KIAA1217: variants seen among roughly 807,000 people sequenced by gnomAD.
KIAA1217 encodes KIAA1217.
Under a neutral mutation model 163.9 loss-of-function variants are expected in KIAA1217, and 88 were observed. That is an observed-to-expected ratio of 0.54 (90% CI 0.45 to 0.64). KIAA1217 has a LOEUF of 0.64. KIAA1217 is among the 30% of genes least tolerant of loss of function. The pLI is 0.00. For missense variants in KIAA1217, 2,372 were observed against 2,475.0 expected (o/e 0.96, Z 0.88); for synonymous variants, 903 against 923.1 (o/e 0.98, Z 0.39).
At position 24,494,534 on chromosome 10, in the gene KIAA1217, A is replaced by G. The variant is rs376125025; in HGVS notation, c.1714A>G (p.Ser572Gly). ...GCAAGCCATGGAGAAACAGATTGCC[A>G]GTTTAACTGGCCTTGTTCAGTCTGC... ...RMQAMEKQIA[S>G]LTGLVQSALF... The change falls in exon 7 of 21, where the codon AGT becomes GGT. Residue 572 changes from serine (S) to glycine (G), a missense_variant. Around this residue, in one of 3 missense-constraint regions of KIAA1217, gnomAD observed 1,431 missense variants for 1,470.3 expected, o/e 0.97. Coordinates refer to ENST00000376454, the MANE Select transcript of KIAA1217 (RefSeq NM_019590.5). 5.8e-5 allele frequency: 93 copies of G among 1,613,988 alleles called. No homozygotes were observed. Among genetic ancestry groups the G allele is most frequent in the Non-Finnish European group, 7.4e-5 (87 of 1,179,958 alleles).
In KIAA1217 at chr10:24,121,878, A is replaced by G. The variant is rs561225125; in HGVS notation, c.-170-97748A>G. ...CACCTTTATTACATACTCAATGATTATTTACTGAATATCTCTTGGGGCATC... is the reference window on the plus strand; with the variant it reads ...CACCTTTATTACATACTCAATGATTGTTTACTGAATATCTCTTGGGGCATC... On this transcript the variant is annotated intron_variant, in intron 2 of 18. Transcript: ENST00000376462. Among the ~76,000 whole-genome samples the G allele has an allele frequency of 1.6e-3, 241 of 152,110 alleles. 1 individual carries two copies. The highest frequency in any genetic ancestry group is 5.7e-3 in the African/African-American group (237 of 41,514).
chr10:24,179,259 C>A (rs532116355), intron 2 of KIAA1217, among the ~76,000 whole-genome samples: 1 of 152,290 alleles, frequency 6.6e-6, no homozygotes, highest in South Asian at 2.1e-4. Flanking sequence ...CAAATCTTGT[C>A]TTCAATTTTA....
intron 5 of KIAA1217, among the ~76,000 whole-genome samples, chr10:24,447,434 T>C (rs2061033210): frequency 6.6e-6 from 1 of 152,088 alleles, no homozygotes; most frequent in South Asian, 2.1e-4. Context: ...CCCCACCCTG[T>C]GTCCAAGTGT....
chr10:24,443,101 G>A (rs2060634866), intron 5 of KIAA1217, among the ~76,000 whole-genome samples: 1 of 152,004 alleles, frequency 6.6e-6, no homozygotes. Flanking sequence ...AGAAGAAATG[G>A]GATTTTGCCA....
chr10:23,928,751 A>G (rs1169958693), intron 1 of KIAA1217, among the ~76,000 whole-genome samples: 6 of 152,242 alleles, frequency 3.9e-5, no homozygotes, highest in African/African-American at 1.4e-4. Flanking sequence ...AGACACTTAT[A>G]GCTCAAGGGT....
At chr10:24,198,361 C>G in intron 2 of KIAA1217, among the ~76,000 whole-genome samples, 1 of 152,186 alleles carries the variant, frequency 6.6e-6, no homozygotes, top group Non-Finnish European at 1.5e-5. Flanking sequence ...GTAATCCCAG[C>G]ATTCTGGGAG....
At chr10:23,775,825 T>C (rs1190344623) in intron 1 of KIAA1217, among the ~76,000 whole-genome samples, 1 of 152,244 alleles carries the variant, frequency 6.6e-6, no homozygotes, top group Non-Finnish European at 1.5e-5. Flanking sequence ...TGATTTGTAC[T>C]GCAAGACATT....
Position 24,530,422 on chromosome 10 carries a change from C to T in KIAA1217, c.3083-1408C>T, listed in dbSNP as rs569856351. Reference sequence around the variant, plus strand: ...ACCAGAGATGTGTAAAGGTAGCATCCGTGACCTGTAAACATTAGTTTCTGT... The same window carrying T: ...ACCAGAGATGTGTAAAGGTAGCATCTGTGACCTGTAAACATTAGTTTCTGT... On this transcript the variant is annotated intron_variant, in intron 14 of 20. Transcript: ENST00000376454. Among the ~76,000 whole-genome samples the T allele has an allele frequency of 1.9e-4, 29 of 152,200 alleles. No homozygotes were observed. In the East Asian group the frequency reaches 5.2e-3, roughly 27 times the overall value.
intron 5 of KIAA1217, among the ~76,000 whole-genome samples, chr10:24,455,133 G>A (rs192660456): frequency 2.6e-5 from 4 of 152,026 alleles, no homozygotes; most frequent in Admixed American, 2.0e-4. Context: ...TTTATTATTC[G>A]TAACAATGAT....
intron 1 of KIAA1217, among the ~76,000 whole-genome samples, chr10:23,907,464 C>T (rs561589144): frequency 6.6e-6 from 1 of 152,104 alleles, no homozygotes; most frequent in East Asian, 1.9e-4. Context: ...GCTGGAGAAC[C>T]AGGAAAGCCA....
At chr10:24,514,423 C>T (rs1281992802) in intron 10 of KIAA1217, among the ~76,000 whole-genome samples, 1 of 152,140 alleles carries the variant, frequency 6.6e-6, no homozygotes, top group African/African-American at 2.4e-5. Context: ...GGATGCCAAC[C>T]TAATGTGTTT....
intron 1 of KIAA1217, among the ~76,000 whole-genome samples, chr10:23,815,661 AC>A (rs1460008546): frequency 1.3e-5 from 2 of 152,138 alleles, no homozygotes; most frequent in Non-Finnish European, 2.9e-5. Context: ...AAAAGCAAAA[AC>A]AAAAAAATTT....
intron 2 of KIAA1217, among the ~76,000 whole-genome samples, chr10:24,190,382 G>A (rs903684424): frequency 2.0e-4 from 30 of 152,242 alleles, no homozygotes; most frequent in Non-Finnish European, 3.8e-4. Flanking sequence ...GGTCCCATGC[G>A]GTAGCCATTT....
At chr10:24,107,114 T>C (rs1230758742) in intron 2 of KIAA1217, among the ~76,000 whole-genome samples, 1 of 152,220 alleles carries the variant, frequency 6.6e-6, no homozygotes, top group Non-Finnish European at 1.5e-5. Flanking sequence ...TAGCTCCCAC[T>C]TATAAGTGAG....
chr10:24,279,030 A>G (rs2077608832), intron 2 of KIAA1217, among the ~76,000 whole-genome samples: 1 of 151,888 alleles, frequency 6.6e-6, no homozygotes, highest in Non-Finnish European at 1.5e-5. Context: ...TTGTATTTAT[A>G]GTAGAGACAG....
At chr10:23,779,932 A>G (rs749314549) in intron 1 of KIAA1217, among the ~76,000 whole-genome samples, 1 of 152,210 alleles carries the variant, frequency 6.6e-6, no homozygotes, top group African/African-American at 2.4e-5. Context: ...AATAGGCAGT[A>G]CAGGTTTGTA....
At chr10:24,360,736 T>A (rs1183169638) in intron 2 of KIAA1217, among the ~76,000 whole-genome samples, 1 of 152,128 alleles carries the variant, frequency 6.6e-6, no homozygotes. Flanking sequence ...CGAAACGTAA[T>A]CAACGTGAGG....
intron 2 of KIAA1217, among the ~76,000 whole-genome samples, chr10:24,355,117 G>A (rs1258239767): frequency 6.6e-6 from 1 of 152,200 alleles, no homozygotes; most frequent in African/African-American, 2.4e-5. Context: ...AGCTGTCCCA[G>A]GTGACACAGA....
chr10:23,996,146 G>A (rs991848481), intron 1 of KIAA1217, among the ~76,000 whole-genome samples: 1 of 152,086 alleles, frequency 6.6e-6, no homozygotes, highest in African/African-American at 2.4e-5. Context: ...CTCTGCATAT[G>A]CCTAGAAGCA....
Sources: allele counts gnomAD v4.1 joint callset (sites outside exome capture counted in the v4.1 genomes callset), GRCh38; gene constraint gnomAD v4.1.1; regional missense constraint gnomAD v4.1.1; transcripts MANE v1.5; gene names NCBI Gene and HGNC (gene_info 2026-07-23, HGNC 2026-07-21).